The following GRIN2A variants were observed in gnomAD, a reference collection of about 807,000 sequenced individuals.
GRIN2A encodes the protein glutamate receptor ionotropic, NMDA 2A.
In GRIN2A, 22 loss-of-function variants were observed where a neutral mutation model predicts 113.4. That is an observed-to-expected ratio of 0.19 (90% CI 0.14 to 0.28). The LOEUF (loss-of-function observed/expected upper bound fraction) is 0.28, where lower values mean the gene tolerates loss of function less well. Among genes scored for constraint, GRIN2A ranks in the 10% least tolerant of loss-of-function variants. GRIN2A has a pLI of 1.00. For missense variants in GRIN2A, 1,502 were observed against 1,887.0 expected, an observed-to-expected ratio of 0.80 and a Z score of 3.78; for synonymous variants, 827 against 738.4, an observed-to-expected ratio of 1.12 and a Z score of -1.94.
intron 3 of GRIN2A, among the ~76,000 whole-genome samples, chr16:9,925,764 T>C (rs1303144000): frequency 6.6e-6 from 1 of 152,234 alleles, no homozygotes; most frequent in Non-Finnish European, 1.5e-5. Flanking sequence ...TCCATCTTGG[T>C]CTGAAGTAGC....
chr16:9,884,844 G>A (rs1296055734), intron 4 of GRIN2A, among the ~76,000 whole-genome samples: 2 of 150,868 alleles, frequency 1.3e-5, no homozygotes, highest in Admixed American at 1.3e-4. Context: ...CCGCCTCCTG[G>A]GTTCACGCCA....
rs531659457 is a variant in GRIN2A, at chr16:10,044,022, T to TATATATATAGAGAGAG, written c.415-105472_415-105471insCTCTCTCTATATATAT. Among the ~76,000 whole-genome samples, 7 of 108,014 alleles carry TATATATATAGAGAGAG rather than the reference T, an allele frequency of 6.5e-5. No individual in the cohort carries two copies. In the East Asian group the frequency reaches 1.2e-3, roughly 18 times the overall value. 70.9% of individuals were successfully genotyped at this position (108,014 alleles called of 152,430 possible). A position where few individuals can be genotyped will look rare whatever the true frequency, so the allele number is the denominator to read the frequency against. ...GTGTGTGTGTGTATATATATATATATAGAGAGAGAGAGAGAGAGAGAGAGA... is the reference window on the plus strand; with the variant it reads ...GTGTGTGTGTGTATATATATATATATATATATATAGAGAGAGAGAGAGAGAGAGAGAGAGAGAGAGA... On this transcript the variant is annotated intron_variant, in intron 2 of 12. Transcript: ENST00000330684.
At position 10,046,270 on chromosome 16, in the gene GRIN2A, T is replaced by A. The variant is rs552068673; in HGVS notation, c.415-107719A>T. ...TGGTTGCTGGCATATCTAGATCACA[T>A]CTTATCACCACCCTGAGGATGCAGC... On this transcript the variant is annotated intron_variant, in intron 2 of 12. Transcript: ENST00000330684. 5.9e-5 allele frequency among the ~76,000 whole-genome samples: 9 copies of A among 152,078 alleles called. 1 individual carries two copies. In the South Asian group the frequency reaches 1.9e-3, roughly 32 times the overall value.
intron 2 of GRIN2A, among the ~76,000 whole-genome samples, chr16:10,012,634 T>C (rs1033872662): frequency 3.9e-5 from 6 of 152,194 alleles, no homozygotes; most frequent in African/African-American, 1.2e-4. Flanking sequence ...TTTGCAGATG[T>C]GATTAAGGTA....
chr16:9,941,590 C>T (rs931141112), intron 2 of GRIN2A, among the ~76,000 whole-genome samples: 1 of 152,194 alleles, frequency 6.6e-6, no homozygotes, highest in South Asian at 2.1e-4. Context: ...CATTCGCAGC[C>T]TCTCTGCAGA....
chr16:10,174,376 C>A (rs909622219), intron 2 of GRIN2A, among the ~76,000 whole-genome samples: 1 of 152,166 alleles, frequency 6.6e-6, no homozygotes, highest in African/African-American at 2.4e-5. Flanking sequence ...AAAATACACA[C>A]CCTCACAGAT....
chr16:9,777,083 G>A (rs1328427883), intron 11 of GRIN2A, among the ~76,000 whole-genome samples: 1 of 152,068 alleles, frequency 6.6e-6, no homozygotes. Context: ...GACCTTGAGG[G>A]CCCAACTTCA....
intron 4 of GRIN2A, among the ~76,000 whole-genome samples, chr16:9,860,491 A>C (rs962810824): frequency 6.8e-6 from 1 of 147,702 alleles, no homozygotes; most frequent in African/African-American, 2.5e-5. Flanking sequence ...GGGAGTTAGT[A>C]GGTTGCCTGT....
intron 2 of GRIN2A, chr16:10,111,758 C>A: frequency 2.0e-6 from 3 of 1,507,658 alleles, no homozygotes; most frequent in South Asian, 2.3e-5. Context: ...CCCTCACACA[C>A]TGTGGGTGAT....
chr16:9,888,103 G>C (rs186715165), intron 4 of GRIN2A, among the ~76,000 whole-genome samples: 2 of 152,254 alleles, frequency 1.3e-5, no homozygotes, highest in East Asian at 3.9e-4. Flanking sequence ...ACCATGCCCA[G>C]CTAATTTTTG....
chr16:9,888,998 A>G (rs959778733), intron 4 of GRIN2A, among the ~76,000 whole-genome samples: 1 of 152,098 alleles, frequency 6.6e-6, no homozygotes, highest in Non-Finnish European at 1.5e-5. Context: ...TTACATTATG[A>G]TTAGTAACAT....
chr16:10,075,074 G>A (rs2142040788), intron 2 of GRIN2A, among the ~76,000 whole-genome samples: 1 of 152,212 alleles, frequency 6.6e-6, no homozygotes, highest in South Asian at 2.1e-4. Context: ...CTGACGCCAG[G>A]CCACATGGGT....
intron 2 of GRIN2A, among the ~76,000 whole-genome samples, chr16:10,073,749 C>CAA (rs200719713): frequency 2.4e-4 from 30 of 123,010 alleles, no homozygotes; most frequent in African/African-American, 8.5e-4. Context: ...ACTAAAAATC[C>CAA]AGAAAAAAAA....
chr16:9,828,950 G>C (rs1287611333), intron 9 of GRIN2A, among the ~76,000 whole-genome samples: 4 of 152,196 alleles, frequency 2.6e-5, no homozygotes, highest in African/African-American at 9.7e-5. Context: ...ATGGAAAAGA[G>C]GAGCTGTCAG....
At chr16:9,769,200 G>A (rs1901106501) in intron 11 of GRIN2A, 111 bp from the exon 12 acceptor site, 1 of 851,092 alleles carries the variant, frequency 1.2e-6, no homozygotes, top group Non-Finnish European at 2.0e-6. Context: ...GTAACCTTAA[G>A]ACAAGTTTCT....
At chr16:9,902,183 T>G (rs1021049220) in intron 3 of GRIN2A, among the ~76,000 whole-genome samples, 2 of 152,220 alleles carry the variant, frequency 1.3e-5, no homozygotes, top group African/African-American at 2.4e-5. Context: ...TAATAAAGCT[T>G]ACATTTCTAG....
chr16:9,782,872 GTTAAAA>G (rs1430465178), intron 11 of GRIN2A, among the ~76,000 whole-genome samples: 2 of 152,234 alleles, frequency 1.3e-5, no homozygotes, highest in African/African-American at 2.4e-5. Context: ...TATGTCTCTA[GTTAAAA>G]TTAGGAGGGA....
chr16:9,941,621 T>C (rs2044878555), intron 2 of GRIN2A, among the ~76,000 whole-genome samples: 1 of 152,170 alleles, frequency 6.6e-6, no homozygotes. Flanking sequence ...TACTAGAACC[T>C]CTGGGGTTGG....
At chr16:9,955,968 G>A (rs1274309192) in intron 2 of GRIN2A, among the ~76,000 whole-genome samples, 3 of 152,196 alleles carry the variant, frequency 2.0e-5, no homozygotes, top group Non-Finnish European at 2.9e-5. Context: ...GGTGTTAGGT[G>A]CTGGTTCCTA....
Sources: gnomAD v4.1 joint callset for allele counts (sites outside exome capture counted in the v4.1 genomes callset) on GRCh38, gnomAD v4.1.1 for gene constraint, MANE v1.5 for transcripts, NCBI Gene and HGNC (gene_info 2026-07-23, HGNC 2026-07-21) for gene names.